KIF13A: variants seen among roughly 807,000 people sequenced by gnomAD.
KIF13A encodes kinesin-like protein KIF13A.
In KIF13A, 79 loss-of-function variants were observed where a neutral mutation model predicts 212.2. The observed-to-expected ratio is 0.37, with a 90% confidence interval of 0.31 to 0.45. The LOEUF (loss-of-function observed/expected upper bound fraction) is 0.45, where lower values mean the gene tolerates loss of function less well. Among genes scored for constraint, KIF13A ranks in the 20% least tolerant of loss-of-function variants. KIF13A has a pLI of 1.00. For missense variants in KIF13A, 1,901 were observed against 2,209.0 expected (o/e 0.86, Z 2.79); for synonymous variants, 789 against 808.6 (o/e 0.98, Z 0.41).
chr6:17,812,531 A>G (rs1763517288), intron 17 of KIF13A: 1 of 152,214 alleles, frequency 6.6e-6, no homozygotes, highest in Admixed American at 6.5e-5. Flanking sequence ...TCATGGCTGC[A>G]TAGTATTCCA....
intron 38 of KIF13A, among the ~76,000 whole-genome samples, chr6:17,767,860 A>C (rs1397949127): frequency 6.6e-6 from 1 of 152,214 alleles, no homozygotes; most frequent in Non-Finnish European, 1.5e-5. Context: ...AATAGTTGTA[A>C]ATTTATCAAA....
In KIF13A at chr6:17,804,441, C is replaced by G; in HGVS notation, c.2374G>C (p.Val792Leu). Residue 792 changes from valine to leucine, a missense_variant, in exon 20 of 39, where the codon GTG becomes CTG. By Grantham distance (32) the Val-to-Leu change is conservative. Around this residue, in one of 5 missense-constraint regions of KIF13A, gnomAD observed 534 missense variants for 536.9 expected, o/e 0.99. Coordinates refer to ENST00000259711, the MANE Select transcript of KIF13A (RefSeq NM_022113.6). Reference sequence around the variant, plus strand: ...AGGCATTCCAAGAATACATTCGCCACCCCGATGAGGTTGTGATTTTCTTGG... The same window carrying G: ...AGGCATTCCAAGAATACATTCGCCAGCCCGATGAGGTTGTGATTTTCTTGG... ...EAQENHNLIG[V>L]ANVFLECLFC... is the part of the protein sequence containing the mutation. The G allele has an allele frequency of 6.3e-7, 1 of 1,580,412 alleles. No individual in the cohort carries two copies. Among genetic ancestry groups the G allele is most frequent in the Non-Finnish European group, 8.6e-7 (1 of 1,162,284 alleles).
chr6:17,890,775 T>C (rs748361165), intron 3 of KIF13A, among the ~76,000 whole-genome samples: 4 of 126,410 alleles, frequency 3.2e-5, no homozygotes, highest in Non-Finnish European at 6.8e-5. Flanking sequence ...TACAGGGACA[T>C]GTTACTATGC....
chr6:17,963,296 T>C lies in KIF13A; in HGVS notation c.146+23758A>G, dbSNP rs1779005323. On this transcript the variant is annotated intron_variant, in intron 2 of 38. Coordinates refer to ENST00000259711, the MANE Select transcript of KIF13A (RefSeq NM_022113.6). This position sits in a 1 kb window ranked among gnomAD's most constrained non-coding sequence, Gnocchi z 4.1. ...AGCTGGGCATGGTGGCGGGCGCCTGTAGTCCCAGCTACTCGGGAGGCTGAC... is the reference window on the plus strand; with the variant it reads ...AGCTGGGCATGGTGGCGGGCGCCTGCAGTCCCAGCTACTCGGGAGGCTGAC... Among the ~76,000 whole-genome samples, 1 of 152,080 alleles carries C rather than the reference T, an allele frequency of 6.6e-6. No individual in the cohort carries two copies. The highest frequency in any genetic ancestry group is 2.1e-4 in the South Asian group (1 of 4,830).
chr6:17,956,671 A>G (rs1468860944), intron 2 of KIF13A, among the ~76,000 whole-genome samples: 1 of 152,076 alleles, frequency 6.6e-6, no homozygotes, highest in Non-Finnish European at 1.5e-5. Context: ...TCTCAGGAGG[A>G]GGCCTCAGGG....
At chr6:17,882,578 T>A (rs888816277) in intron 3 of KIF13A, among the ~76,000 whole-genome samples, 1 of 152,036 alleles carries the variant, frequency 6.6e-6, no homozygotes, top group Non-Finnish European at 1.5e-5. Flanking sequence ...TTTTTTTTTT[T>A]TTTGATGGAG....
At position 17,839,738 on chromosome 6, in the gene KIF13A, G is replaced by A. The variant is rs1365281869; in HGVS notation, c.831-2155C>T. Among the ~76,000 whole-genome samples the A allele has an allele frequency of 6.6e-6, 1 of 152,048 alleles. No individual in the cohort carries two copies. The highest frequency in any genetic ancestry group is 2.4e-5 in the African/African-American group (1 of 41,378). ...TCATATAAAGACACCCAGGGGAGAC[G>A]GCCACGTGAAGATGCAGGCAGAGAC... On this transcript the variant is annotated intron_variant, in intron 9 of 38. Coordinates refer to ENST00000259711, the MANE Select transcript of KIF13A (RefSeq NM_022113.6). The surrounding 1 kb of genome is among the most constrained non-coding windows in gnomAD (Gnocchi z 4.3).
rs557979886 is a variant in KIF13A, at chr6:17,771,618, A to G, written c.4476+290T>C. On this transcript the variant is annotated intron_variant, in intron 37 of 38. Transcript: ENST00000259711. The surrounding 1 kb of genome is among the most constrained non-coding windows in gnomAD (Gnocchi z 5.4). ...ACAAAAAAGAAAAATAATTTTAAAA[A>G]AGGCCTTTAATCTTTTCAAAACACC... The G allele has an allele frequency of 8.5e-6, 3 of 351,590 alleles. No individual in the cohort carries two copies. The East Asian group carries it at 1.3e-4, about 16-fold the overall frequency. The allele number at this position is 351,590 out of a possible 1,614,324, so 21.8% of individuals were successfully genotyped here. A position where few individuals can be genotyped will look rare whatever the true frequency, so the allele number is the denominator to read the frequency against.
intron 3 of KIF13A, among the ~76,000 whole-genome samples, chr6:17,894,944 T>C (rs550225097): frequency 4.4e-4 from 67 of 152,306 alleles, no homozygotes; most frequent in African/African-American, 1.5e-3. Context: ...GTAAGAATAA[T>C]GGTAACTCAA....
At position 17,896,518 on chromosome 6, in the gene KIF13A, G is replaced by A. The variant is rs79104919; in HGVS notation, c.159+1650C>T. ...GTCCATCTTTATTTGATTCTATTGT[G>A]TCATTTATTTGAGTTCAAGATGATC... On this transcript the variant is annotated intron_variant, in intron 3 of 38. Transcript: ENST00000259711. Among the ~76,000 whole-genome samples, 407 of 152,136 alleles carry A rather than the reference G, an allele frequency of 2.7e-3. 3 individuals are homozygous for A. Among genetic ancestry groups the A allele is most frequent in the African/African-American group, 9.2e-3 (380 of 41,494 alleles).
intron 23 of KIF13A, among the ~76,000 whole-genome samples, chr6:17,795,686 T>C (rs1761972440): frequency 2.0e-5 from 3 of 152,274 alleles, no homozygotes; most frequent in Non-Finnish European, 4.4e-5. Flanking sequence ...GTGGGATTCT[T>C]GGGTCATAAA....
chr6:17,894,492 T>C (rs1377300023), intron 3 of KIF13A, among the ~76,000 whole-genome samples: 1 of 152,128 alleles, frequency 6.6e-6, no homozygotes, highest in African/African-American at 2.4e-5. Flanking sequence ...AGTGATTTTT[T>C]CATAATCATG....
At position 17,886,879 on chromosome 6, in the gene KIF13A, T is replaced by C. The variant is rs1176111502; in HGVS notation, c.159+11289A>G. ...TTTCTGAGGATTGTTTTGTTGTCGTTGTTAAAAAGAGGAAAAAAAAAAAAG... is the reference window on the plus strand; with the variant it reads ...TTTCTGAGGATTGTTTTGTTGTCGTCGTTAAAAAGAGGAAAAAAAAAAAAG... On this transcript the variant is annotated intron_variant, in intron 3 of 38. Transcript: ENST00000259711. This position sits in a 1 kb window ranked among gnomAD's most constrained non-coding sequence, Gnocchi z 5.6. 1.3e-5 allele frequency among the ~76,000 whole-genome samples: 2 copies of C among 151,530 alleles called. No homozygotes were observed. The highest frequency in any genetic ancestry group is 2.9e-5 in the Non-Finnish European group (2 of 67,952).
At chr6:17,920,636 G>A (rs1774978469) in intron 2 of KIF13A, among the ~76,000 whole-genome samples, 1 of 152,180 alleles carries the variant, frequency 6.6e-6, no homozygotes, top group Non-Finnish European at 1.5e-5. Context: ...CACTTTGGGA[G>A]GCCGAGGTGG....
chr6:17,840,255 A>T (rs1412216649), intron 9 of KIF13A, among the ~76,000 whole-genome samples: 2 of 152,218 alleles, frequency 1.3e-5, no homozygotes, highest in African/African-American at 4.8e-5. Context: ...CTGTTCAAAA[A>T]AATTAAATAT....
At chr6:17,973,993 C>G (rs1264384917) in intron 2 of KIF13A, among the ~76,000 whole-genome samples, 1 of 152,210 alleles carries the variant, frequency 6.6e-6, no homozygotes, top group Non-Finnish European at 1.5e-5. Context: ...ATTCTTTCCC[C>G]TCTAATGTAA....
chr6:17,794,336 TG>T lies in KIF13A; in HGVS notation c.3134del (p.Pro1045HisfsTer15). The T allele has an allele frequency of 6.2e-7, 1 of 1,613,462 alleles. No individual in the cohort carries two copies. The highest frequency in any genetic ancestry group is 8.5e-7 in the Non-Finnish European group (1 of 1,179,410). On this transcript the variant is annotated frameshift_variant, in exon 25 of 39. Coordinates refer to ENST00000259711, the MANE Select transcript of KIF13A (RefSeq NM_022113.6). LOFTEE classifies it high-confidence loss of function. This position sits in a 1 kb window ranked among gnomAD's most constrained non-coding sequence, Gnocchi z 4.1. ...CTGACAGGATGGCTTCAACCATAAG[TG>T]GCAGTGTCCCTGAATGCTGCACAGG... ...VKPVQHSGTLPLMVEAILSVS... is the reference protein window; with the variant it reads ...VKPVQHSGTLXLMVEAILSVS...
At chr6:17,857,425 A>G (rs190572248) in intron 4 of KIF13A, among the ~76,000 whole-genome samples, 120 of 152,172 alleles carry the variant, frequency 7.9e-4, no homozygotes, top group African/African-American at 2.7e-3. Context: ...GCTTCCTTTG[A>G]GTTCTTTTCT....
intron 18 of KIF13A, 50 bp downstream of exon 18, chr6:17,808,717 AC>A: frequency 6.5e-7 from 1 of 1,527,976 alleles, no homozygotes. Flanking sequence ...ATCCTATTTT[AC>A]AATATTTACT....
Sources: allele counts gnomAD v4.1 joint callset (sites outside exome capture counted in the v4.1 genomes callset), GRCh38; gene constraint gnomAD v4.1.1; regional missense constraint gnomAD v4.1.1; non-coding constraint Gnocchi (gnomAD v3.1); transcripts MANE v1.5; gene names NCBI Gene and HGNC (gene_info 2026-07-23, HGNC 2026-07-21).